FBXL13: variants seen among roughly 807,000 people sequenced by gnomAD.
The protein encoded by FBXL13 is F-box and leucine-rich repeat protein 13.
FBXL13 carries 67 observed loss-of-function variants against 83.6 expected under a neutral mutation model. The observed-to-expected ratio is 0.80, with a 90% CI of 0.66 to 0.98. FBXL13 has a LOEUF of 0.98. FBXL13 is among the 50% of genes least tolerant of loss of function. The pLI, the probability that FBXL13 is intolerant of heterozygous loss-of-function variation, is 0.00. For synonymous variants in FBXL13, 272 were observed against 299.5 expected (o/e 0.91, Z 0.95); for missense variants, 822 against 866.5 (o/e 0.95, Z 0.64).
chr7:103,055,782 T>C (rs556258828), intron 1 of FBXL13, 35 bp from the exon 2 acceptor site: 49 of 1,009,838 alleles, frequency 4.9e-5, no homozygotes, highest in Non-Finnish European at 6.3e-5. Context: ...TCAATGTTTC[T>C]GAATTTTCAC....
rs561753822 is a variant in FBXL13 at position 102,993,328 on chromosome 7, T to A, written c.496-25211A>T. On this transcript the variant is annotated intron_variant, in intron 6 of 19. Coordinates refer to ENST00000313221, the Ensembl canonical transcript of FBXL13. ...GTACTAGTTTTAATAGCTATCCATG[T>A]TTCTTTTCTTCCCCAAGTGAGAAAA... 2.0e-5 allele frequency among the ~76,000 whole-genome samples: 3 copies of A among 152,368 alleles called. No homozygotes were observed. The East Asian group carries it at 5.8e-4, about 29-fold the overall frequency.
intron 6 of FBXL13, among the ~76,000 whole-genome samples, chr7:103,008,776 T>C (rs1287096645): frequency 6.6e-6 from 1 of 152,162 alleles, no homozygotes; most frequent in Non-Finnish European, 1.5e-5. Context: ...CAGGCTGGTC[T>C]CAAACTCCTG....
At position 102,944,735 on chromosome 7, in the gene FBXL13, A is replaced by C. The variant is rs1339933254; in HGVS notation, c.725-12802T>G. On this transcript the variant is annotated intron_variant, in intron 8 of 19. Coordinates refer to ENST00000313221, the Ensembl canonical transcript of FBXL13. ...AATCCAGCTAAAGGAAGCTTTCTTT[A>C]ATTATAAGTATTATTGTGACTATTA... is the stretch of plus-strand genomic sequence containing the variant. 3.8e-6 allele frequency: 3 copies of C among 794,034 alleles called. No individual in the cohort carries two copies. The Admixed American group carries it at 9.0e-5, about 24-fold the overall frequency. 49.2% of individuals were successfully genotyped at this position (794,034 alleles called of 1,614,324 possible).
chr7:102,918,005 A>G (rs1025206863), intron 10 of FBXL13, among the ~76,000 whole-genome samples: 2 of 152,198 alleles, frequency 1.3e-5, no homozygotes, highest in Admixed American at 6.5e-5. Flanking sequence ...AAGCTGGCAA[A>G]TCATTGTTGC....
At chr7:103,041,722 C>G (rs933936216) in intron 2 of FBXL13, among the ~76,000 whole-genome samples, 1 of 152,106 alleles carries the variant, frequency 6.6e-6, no homozygotes, top group Non-Finnish European at 1.5e-5. Context: ...TGACAAAAAC[C>G]ACATGATTAT....
chr7:103,033,600 C>G (rs903770895), intron 2 of FBXL13, among the ~76,000 whole-genome samples: 1 of 152,012 alleles, frequency 6.6e-6, no homozygotes, highest in African/African-American at 2.4e-5. Context: ...TAAGGCAGCG[C>G]GTCTGGAGTT....
chr7:102,964,404 A>ATATT (rs796873670), intron 7 of FBXL13, among the ~76,000 whole-genome samples: 35 of 143,296 alleles, frequency 2.4e-4, no homozygotes, highest in African/African-American at 8.5e-4. Context: ...ATATATATAT[A>ATATT]TTTTTTTTTT....
chr7:102,854,029 C>T (rs1204489906), intron 17 of FBXL13, among the ~76,000 whole-genome samples: 1 of 152,040 alleles, frequency 6.6e-6, no homozygotes, highest in Non-Finnish European at 1.5e-5. Flanking sequence ...GGGTATATAC[C>T]CAAAGGACTA....
intron 6 of FBXL13, among the ~76,000 whole-genome samples, chr7:102,977,306 G>A (rs549774585): frequency 3.3e-5 from 5 of 152,188 alleles, no homozygotes; most frequent in Non-Finnish European, 7.3e-5. Context: ...AAAAACAAAT[G>A]TGCGTGGCAA....
intron 16 of FBXL13, 109 bp downstream of exon 17, chr7:102,877,358 T>C (rs1809406853): frequency 2.0e-6 from 2 of 987,746 alleles, no homozygotes; most frequent in East Asian, 3.2e-5. Context: ...ACTTTTATAA[T>C]AGAATAACAA....
intron 18 of FBXL13, among the ~76,000 whole-genome samples, chr7:102,827,510 G>A (rs1042655862): frequency 2.6e-5 from 4 of 152,084 alleles, no homozygotes; most frequent in Admixed American, 2.6e-4. Context: ...GTAATATATG[G>A]TAAAATATGA....
intron 6 of FBXL13, among the ~76,000 whole-genome samples, chr7:102,980,350 TG>T (rs34875943): frequency 1.3e-5 from 2 of 151,984 alleles, no homozygotes; most frequent in African/African-American, 2.4e-5. Flanking sequence ...AAACATTCAA[TG>T]GGGGGAAAAA....
At chr7:103,029,602 C>G (rs773158122) in intron 2 of FBXL13, among the ~76,000 whole-genome samples, 184 bp from the exon 4 acceptor site, 19 of 152,034 alleles carry the variant, frequency 1.2e-4, no homozygotes, top group Non-Finnish European at 2.6e-4. Context: ...TTGTGTATGT[C>G]TGTAAGCTAT....
At chr7:103,021,643 A>G (rs966260011) in intron 6 of FBXL13, among the ~76,000 whole-genome samples, 1 of 152,252 alleles carries the variant, frequency 6.6e-6, no homozygotes, top group South Asian at 2.1e-4. Flanking sequence ...GCAAGAAAAA[A>G]TCAAACAACC....
chr7:102,834,032 T>TGAAG (rs199540401), intron 17 of FBXL13, among the ~76,000 whole-genome samples: 4,694 of 75,328 alleles, frequency 0.062, 296 homozygotes, highest in Middle Eastern at 0.11. Context: ...GAAACCATGA[T>TGAAG]GAAGGAAGGA....
intron 6 of FBXL13, among the ~76,000 whole-genome samples, chr7:103,005,750 C>A (rs1790922411): frequency 6.6e-6 from 1 of 152,092 alleles, no homozygotes; most frequent in South Asian, 2.1e-4. Flanking sequence ...TCCACAGGCC[C>A]TATCTTCAAA....
intron 16 of FBXL13, among the ~76,000 whole-genome samples, chr7:102,876,047 AG>A (rs1584739402): frequency 1.3e-5 from 2 of 152,246 alleles, no homozygotes; most frequent in East Asian, 3.9e-4. Flanking sequence ...GAGCAAGGGG[AG>A]GGTGAGTCAT....
intron 18 of FBXL13, among the ~76,000 whole-genome samples, chr7:102,831,766 A>G (rs974312055): frequency 3.3e-5 from 5 of 151,868 alleles, no homozygotes; most frequent in Non-Finnish European, 5.9e-5. Context: ...TAGTCCATCT[A>G]TTTTCAAGCT....
At chr7:102,970,511 TG>T (rs1444859090) in intron 6 of FBXL13, among the ~76,000 whole-genome samples, 1 of 152,164 alleles carries the variant, frequency 6.6e-6, no homozygotes, top group Non-Finnish European at 1.5e-5. Flanking sequence ...GTAATAACTC[TG>T]GGACATTTGG....
Sources: allele counts gnomAD v4.1 joint callset (sites outside exome capture counted in the v4.1 genomes callset), GRCh38; gene constraint gnomAD v4.1.1; transcripts MANE v1.5; gene names NCBI Gene and HGNC (gene_info 2026-07-23, HGNC 2026-07-21).